GABRR3: variants seen among roughly 807,000 people sequenced by gnomAD.
GABRR3 encodes gamma-aminobutyric acid receptor subunit rho-3.
Under a neutral mutation model 43.2 loss-of-function variants are expected in GABRR3, and 29 were observed. The observed-to-expected ratio is 0.67, with a 90% CI of 0.50 to 0.92. The LOEUF (loss-of-function observed/expected upper bound fraction) is 0.92. GABRR3 is among the 40% of genes least tolerant of loss of function. The probability of loss-of-function intolerance (pLI) is 0.00; values close to 1 mark genes in which losing one functional copy is unlikely to be tolerated. For synonymous variants in GABRR3, 206 were observed against 195.9 expected, an observed-to-expected ratio of 1.05 and a Z score of -0.43; for missense variants, 576 against 572.3, an observed-to-expected ratio of 1.01 and a Z score of -0.07.
At chr3:98,007,946 T>G in intron 6 of GABRR3, 42 bp from the exon 7 acceptor site, 17 of 1,493,966 alleles carry the variant, frequency 1.1e-5, no homozygotes, top group South Asian at 1.3e-5. Context: ...TAATAAGCTC[T>G]TGTAAGCTCA....
intron 8 of GABRR3, among the ~76,000 whole-genome samples, chr3:97,995,380 G>A (rs1576036849): frequency 6.6e-6 from 1 of 151,796 alleles, no homozygotes; most frequent in Non-Finnish European, 1.5e-5. Context: ...GACAAAATAA[G>A]GATTTTAAAC....
At chr3:98,003,487 T>C (rs832034) in intron 7 of GABRR3, among the ~76,000 whole-genome samples, 101,745 of 149,222 alleles carry the variant, frequency 0.68, 35,438 homozygotes, top group Non-Finnish European at 0.75. Flanking sequence ...CTCTGTCTTG[T>C]GGTTTTAGAC....
At chr3:98,009,605 G>A (rs997941303) in intron 5 of GABRR3, among the ~76,000 whole-genome samples, 6 of 152,126 alleles carry the variant, frequency 3.9e-5, no homozygotes, top group Non-Finnish European at 8.8e-5. Flanking sequence ...TGATGAGAAC[G>A]GTTTTTTCAA....
At chr3:98,012,473 C>T (rs1362141597) in exon 5 of GABRR3, 1 of 1,613,852 alleles carries the variant, frequency 6.2e-7, no homozygotes, top group East Asian at 2.2e-5. Context: ...TCTGGTCAAT[C>T]TATGATCAAA....
chr3:98,001,814 A>G (rs1200646250), intron 7 of GABRR3, 47 bp from the exon 8 acceptor site: 1 of 1,605,874 alleles, frequency 6.2e-7, no homozygotes, highest in Non-Finnish European at 8.5e-7. Context: ...TTCCCCTTAG[A>G]AACACTGCAC....
chr3:98,001,617 A>G, exon 8 of GABRR3: 1 of 1,612,906 alleles, frequency 6.2e-7, no homozygotes, highest in East Asian at 2.2e-5. Context: ...AGATTTACCC[A>G]GGGAAACTCT....
chr3:98,028,392 CTG>C (rs1238075533), intron 2 of GABRR3, among the ~76,000 whole-genome samples: 1 of 152,352 alleles, frequency 6.6e-6, no homozygotes, highest in East Asian at 1.9e-4. Context: ...AAAACTCACA[CTG>C]TAGAATTTAT....
chr3:98,026,602 G>GTCATCATCATCATCA (rs367904103), intron 2 of GABRR3, among the ~76,000 whole-genome samples: 5 of 101,600 alleles, frequency 4.9e-5, no homozygotes, highest in Non-Finnish European at 6.9e-5. Flanking sequence ...AAAGGTGGCT[G>GTCATCATCATCATCA]TCATCATCAT....
chr3:98,001,792 A>T (rs1250767992), intron 7 of GABRR3, 25 bp from the exon 8 acceptor site: 1 of 1,612,112 alleles, frequency 6.2e-7, no homozygotes, highest in African/African-American at 1.3e-5. Context: ...CAAAGTTTTC[A>T]TTAGAGCAAG....
chr3:97,994,411 T>C (rs1361644463), intron 8 of GABRR3, among the ~76,000 whole-genome samples: 1 of 152,196 alleles, frequency 6.6e-6, no homozygotes, highest in Non-Finnish European at 1.5e-5. Flanking sequence ...TCACACTGAT[T>C]TGAACTCCAG....
exon 5 of GABRR3, chr3:98,012,459 T>A: frequency 6.2e-7 from 1 of 1,613,990 alleles, no homozygotes; most frequent in South Asian, 1.1e-5. Context: ...GGCACCCAGA[T>A]CTTTCTGGTC....
intron 8 of GABRR3, among the ~76,000 whole-genome samples, chr3:97,996,882 T>C (rs1015482801): frequency 4.8e-4 from 73 of 151,998 alleles, no homozygotes; most frequent in Admixed American, 3.6e-3. Context: ...TGTGGGAGGG[T>C]CTTCACCAGC....
chr3:98,007,966 A>G (rs763809473), intron 6 of GABRR3, 62 bp from the exon 7 acceptor site: 50 of 1,375,880 alleles, frequency 3.6e-5, no homozygotes, highest in Non-Finnish European at 4.5e-5. Flanking sequence ...AATGAGTTCT[A>G]TAACCATGTC....
chr3:98,020,848 A>G (rs896416324), intron 3 of GABRR3, among the ~76,000 whole-genome samples: 1 of 144,312 alleles, frequency 6.9e-6, no homozygotes, highest in Non-Finnish European at 1.5e-5. Context: ...GTCTGGCCTC[A>G]TTTCTTTTTC....
chr3:98,011,605 A>AG (rs1460514803), intron 5 of GABRR3, among the ~76,000 whole-genome samples: 1 of 138,506 alleles, frequency 7.2e-6, no homozygotes, highest in East Asian at 2.3e-4. Context: ...CACGTCTGCA[A>AG]GGATTTTTTT....
At position 98,014,106 on chromosome 3, in the gene GABRR3, T is replaced by C. The variant is rs535224859; in HGVS notation, c.307-1539A>G. 8.6e-4 allele frequency among the ~76,000 whole-genome samples: 130 copies of C among 151,638 alleles called. 1 individual carries two copies. Among genetic ancestry groups the C allele is most frequent in the African/African-American group, 2.7e-3 (113 of 41,356 alleles). On this transcript the variant is annotated intron_variant, in intron 4 of 9. Transcript: ENST00000621172. ...AAAAAACCAACACTAGGGGGAAGGG[T>C]GAATCACTGACAATCAGAAAGCATT...
intron 5 of GABRR3, among the ~76,000 whole-genome samples, chr3:98,010,261 A>G (rs577049263): frequency 6.6e-6 from 1 of 152,342 alleles, no homozygotes; most frequent in East Asian, 1.9e-4. Context: ...AGAGACCAGG[A>G]ACACATTTCC....
chr3:98,011,290 T>A (rs191729130), intron 5 of GABRR3, among the ~76,000 whole-genome samples: 48 of 152,318 alleles, frequency 3.2e-4, no homozygotes, highest in Admixed American at 3.1e-3. Context: ...AATCTGGTGG[T>A]TTAATACAAC....
intron 4 of GABRR3, among the ~76,000 whole-genome samples, chr3:98,013,749 CA>C (rs1328626676): frequency 6.6e-6 from 1 of 152,056 alleles, no homozygotes; most frequent in Non-Finnish European, 1.5e-5. Flanking sequence ...AGGGTGAGGG[CA>C]AATAAACAGA....
Sources: allele counts gnomAD v4.1 joint callset (sites outside exome capture counted in the v4.1 genomes callset), GRCh38; gene constraint gnomAD v4.1.1; transcripts MANE v1.5; gene names NCBI Gene and HGNC (gene_info 2026-07-23, HGNC 2026-07-21).